The following CANX variants were observed in gnomAD, a reference collection of about 807,000 sequenced individuals.
CANX encodes calnexin, also known as epididymis secretory sperm binding protein.
In CANX, 14 loss-of-function variants were observed where a neutral mutation model predicts 75.7. The ratio of observed to expected loss-of-function variants is 0.19; its 90% CI spans 0.12 to 0.29. The LOEUF is 0.29. Among genes scored for constraint, CANX ranks in the 10% least tolerant of loss-of-function variants. CANX has a pLI of 1.00. For missense variants in CANX, 567 were observed against 713.2 expected (o/e 0.79, Z 2.34); for synonymous variants, 227 against 236.9 (o/e 0.96, Z 0.38).
At chr5:179,719,612 G>C in intron 8 of CANX, 56 bp from the exon 9 acceptor site, 1 of 921,176 alleles carries the variant, frequency 1.1e-6, no homozygotes, top group South Asian at 1.5e-5. Context: ...GATCCACAAA[G>C]TGGTACTATA....
intron 1 of CANX, among the ~76,000 whole-genome samples, chr5:179,704,607 A>G (rs926137531): frequency 6.6e-6 from 1 of 151,918 alleles, no homozygotes; most frequent in Non-Finnish European, 1.5e-5. Flanking sequence ...AGGCTGAGGC[A>G]GGTGGATCAC....
At chr5:179,714,524 A>AT (rs570686002) in intron 7 of CANX, among the ~76,000 whole-genome samples, 60 of 146,120 alleles carry the variant, frequency 4.1e-4, no homozygotes, top group Middle Eastern at 3.5e-3. Flanking sequence ...ATTTATTTTT[A>AT]TTTTTTTTTT....
At chr5:179,707,312 C>T (rs887205107) in intron 4 of CANX, 122 bp downstream of exon 4, 133 of 651,530 alleles carry the variant, frequency 2.0e-4, no homozygotes, top group South Asian at 2.0e-3. Context: ...CAGCCAGGTG[C>T]GGTGGCTCAC....
chr5:179,683,005 G>A (rs1218907248), intron 1 of CANX, among the ~76,000 whole-genome samples: 1 of 152,222 alleles, frequency 6.6e-6, no homozygotes, highest in Non-Finnish European at 1.5e-5. Flanking sequence ...CCACCTGACT[G>A]CAAGGGACAG....
chr5:179,722,433 C>T (rs1385064231), intron 10 of CANX, among the ~76,000 whole-genome samples: 2 of 152,164 alleles, frequency 1.3e-5, no homozygotes, highest in East Asian at 3.8e-4. Context: ...AAGTGAATTG[C>T]TGGTTGATGA....
chr5:179,726,604 A>C, intron 13 of CANX, 76 bp from the exon 14 acceptor site: 3 of 910,246 alleles, frequency 3.3e-6, no homozygotes, highest in Non-Finnish European at 5.1e-6. Context: ...TTGTAGATCT[A>C]GAGATGTGTT....
At chr5:179,715,855 CT>C (rs1401723317) in intron 7 of CANX, 14 of 498,716 alleles carry the variant, frequency 2.8e-5, no homozygotes, top group Non-Finnish European at 4.4e-5. Flanking sequence ...TAAGTCAAGT[CT>C]TTGGTGTTAA....
At chr5:179,698,726 C>G (rs999248533), upstream of CANX, 12 of 747,242 alleles carry the variant, frequency 1.6e-5, no homozygotes, top group Non-Finnish European at 2.2e-5. Context: ...TCCAGCGTGG[C>G]CCGCCCCTCA....
upstream of CANX, among the ~76,000 whole-genome samples, chr5:179,697,747 C>A (rs1025688065): frequency 1.3e-5 from 2 of 151,988 alleles, no homozygotes; most frequent in African/African-American, 4.8e-5. Context: ...AAAAATTAGC[C>A]GGGCGTGGTG....
At chr5:179,723,903 G>C (rs1220679889) in intron 12 of CANX, 124 bp downstream of exon 12, 3 of 834,154 alleles carry the variant, frequency 3.6e-6, no homozygotes, top group African/African-American at 3.5e-5. Context: ...GCCATGTTTG[G>C]TGTTGACTTC....
chr5:179,707,857 G>A (rs574944179), intron 4 of CANX, among the ~76,000 whole-genome samples: 1 of 152,064 alleles, frequency 6.6e-6, no homozygotes, highest in African/African-American at 2.4e-5. Flanking sequence ...TTTTGAGACG[G>A]AGTCTCATTC....
At chr5:179,682,299 G>A (rs980466664) in intron 1 of CANX, among the ~76,000 whole-genome samples, 2 of 151,714 alleles carry the variant, frequency 1.3e-5, no homozygotes, top group African/African-American at 2.4e-5. Context: ...TATCCAGGCC[G>A]GGCACGGTGG....
At chr5:179,701,844 A>G (rs868830576) in intron 1 of CANX, among the ~76,000 whole-genome samples, 37 of 144,008 alleles carry the variant, frequency 2.6e-4, no homozygotes, top group South Asian at 4.4e-4. Flanking sequence ...GGTTCAAGCA[A>G]TTCTCCTGCC....
chr5:179,696,320 A>AGCTAGAGT (rs1310062899), upstream of CANX, among the ~76,000 whole-genome samples: 1 of 128,534 alleles, frequency 7.8e-6, no homozygotes, highest in Non-Finnish European at 1.6e-5. Context: ...CTGTCACCCA[A>AGCTAGAGT]GCTAGAGTGC....
intron 12 of CANX, among the ~76,000 whole-genome samples, chr5:179,724,165 C>T (rs1043993461): frequency 2.0e-5 from 3 of 151,888 alleles, no homozygotes; most frequent in African/African-American, 7.3e-5. Context: ...TCCATTCTGC[C>T]TTCACCTTCC....
upstream of CANX, chr5:179,698,952 G>C: frequency 9.0e-7 from 1 of 1,117,164 alleles, no homozygotes; most frequent in Non-Finnish European, 1.1e-6. Context: ...GTGCGGTGGG[G>C]CTCGCTCGCG....
At chr5:179,684,028 C>G (rs938695046) in intron 1 of CANX, among the ~76,000 whole-genome samples, 1 of 152,110 alleles carries the variant, frequency 6.6e-6, no homozygotes, top group Non-Finnish European at 1.5e-5. Context: ...GGGGCTATTG[C>G]AAATAAAACT....
chr5:179,702,929 C>T (rs1487649451), intron 1 of CANX, among the ~76,000 whole-genome samples: 2 of 151,784 alleles, frequency 1.3e-5, no homozygotes, highest in African/African-American at 4.8e-5. Context: ...GCCACCACAC[C>T]CAGCTAATTT....
chr5:179,729,651 GTA>G lies in CANX; in HGVS notation c.*1009_*1010del. 2 of 152,748 alleles carry G rather than the reference GTA, an allele frequency of 1.3e-5. No individual in the cohort carries two copies. Among genetic ancestry groups the G allele is most frequent in the Non-Finnish European group, 2.9e-5 (2 of 68,036 alleles). The allele number at this position is 152,748 out of a possible 1,614,324, so 9.5% of individuals were successfully genotyped here. A position where few individuals can be genotyped will look rare whatever the true frequency, so the allele number is the denominator to read the frequency against. On this transcript the variant is annotated 3_prime_UTR_variant, in exon 15 of 15. Coordinates refer to ENST00000247461, the MANE Select transcript of CANX (RefSeq NM_001746.4). ...ATGTTAAGCTTTATTGTGATTACGT[GTA>G]TGTTTCTTCTTTCTTTTAAGCAGAC...
Sources: gnomAD v4.1 joint callset for allele counts (sites outside exome capture counted in the v4.1 genomes callset) on GRCh38, gnomAD v4.1.1 for gene constraint, MANE v1.5 for transcripts, NCBI Gene and HGNC (gene_info 2026-07-23, HGNC 2026-07-21) for gene names.